The following ACSM3 variants were observed in gnomAD, a reference collection of about 807,000 sequenced individuals.
The protein encoded by ACSM3 is acyl-CoA synthetase medium chain family member 3.
In ACSM3, 61 loss-of-function variants were observed where a neutral mutation model predicts 74.1. The ratio of observed to expected loss-of-function variants is 0.82; its 90% CI spans 0.67 to 1.02. ACSM3 has a LOEUF of 1.02. ACSM3 is among the 50% of genes least tolerant of loss of function. ACSM3 has a pLI of 0.00. For missense variants in ACSM3, 660 were observed against 697.0 expected, an observed-to-expected ratio of 0.95 and a Z score of 0.60; for synonymous variants, 213 against 241.5, an observed-to-expected ratio of 0.88 and a Z score of 1.09.
upstream of ACSM3, among the ~76,000 whole-genome samples, chr16:20,760,479 G>A (rs113768816): frequency 2.0e-5 from 3 of 152,266 alleles, no homozygotes; most frequent in African/African-American, 7.2e-5. Context: ...ACGGAAGAGA[G>A]AAACAAAGGC....
At chr16:20,766,939 TAAAG>T (rs1169462970) in intron 1 of ACSM3, among the ~76,000 whole-genome samples, 1 of 152,106 alleles carries the variant, frequency 6.6e-6, no homozygotes. Flanking sequence ...TGAATGCACA[TAAAG>T]AAACCCTGAA....
chr16:20,714,371 C>T (rs2079753927), intron 1 of ACSM3, among the ~76,000 whole-genome samples: 1 of 152,006 alleles, frequency 6.6e-6, no homozygotes, highest in African/African-American at 2.4e-5. Flanking sequence ...CCCCTGTAAA[C>T]AAGGGATGCC....
chr16:20,763,012 C>T (rs1489608336), upstream of ACSM3, among the ~76,000 whole-genome samples: 1 of 152,204 alleles, frequency 6.6e-6, no homozygotes, highest in African/African-American at 2.4e-5. Flanking sequence ...TGTGATTACA[C>T]AGAAAATCCC....
At chr16:20,717,956 G>GAAGAA (rs2079769244) in intron 1 of ACSM3, among the ~76,000 whole-genome samples, 4 of 74,418 alleles carry the variant, frequency 5.4e-5, no homozygotes, top group African/African-American at 1.4e-4. Flanking sequence ...AAGAGGAAGA[G>GAAGAA]GAAGAAGAAG....
At chr16:20,786,756 T>C (rs1387797680) in intron 9 of ACSM3, among the ~76,000 whole-genome samples, 1 of 152,136 alleles carries the variant, frequency 6.6e-6, no homozygotes, top group Non-Finnish European at 1.5e-5. Flanking sequence ...TAGAACCATT[T>C]TACAAACAAG....
intron 1 of ACSM3, among the ~76,000 whole-genome samples, chr16:20,706,565 T>C (rs1399224624): frequency 6.6e-6 from 1 of 152,158 alleles, no homozygotes; most frequent in South Asian, 2.1e-4. Context: ...GAGAGTTGTT[T>C]TGAGAGGGTA....
chr16:20,675,865 C>G (rs1318021396), intron 1 of ACSM3, among the ~76,000 whole-genome samples: 1 of 152,196 alleles, frequency 6.6e-6, no homozygotes, highest in Non-Finnish European at 1.5e-5. Flanking sequence ...GCTGCGCTGG[C>G]GGCTACGGAG....
At position 20,737,627 on chromosome 16, in the gene ACSM3, A is replaced by G. The variant is rs1006233095; in HGVS notation, c.-189-12283A>G. ...TTCTACACTCAAAAATGTAAGCCTT[A>G]AATCTTTAAAAAGAAAAAAATCCTT... On this transcript the variant is annotated intron_variant, in intron 1 of 3. Coordinates refer to the ACSM3 transcript ENST00000561584. 24 of 1,427,198 alleles carry G rather than the reference A, an allele frequency of 1.7e-5. No homozygotes were observed. In the African/African-American group the frequency reaches 3.3e-4, roughly 20 times the overall value. 88.4% of individuals were successfully genotyped at this position (1,427,198 alleles called of 1,614,324 possible). A position where few individuals can be genotyped will look rare whatever the true frequency, so the allele number is the denominator to read the frequency against.
chr16:20,679,922 C>T (rs1038182933), intron 1 of ACSM3: 1 of 152,124 alleles, frequency 6.6e-6, no homozygotes, highest in Non-Finnish European at 1.5e-5. Flanking sequence ...GGCCTATTTC[C>T]TTGTACTTTG....
At chr16:20,692,965 T>C (rs2079668550) in intron 1 of ACSM3, among the ~76,000 whole-genome samples, 2 of 151,848 alleles carry the variant, frequency 1.3e-5, no homozygotes, top group African/African-American at 4.8e-5. Context: ...GGTCAGGAGT[T>C]TGAGACCATC....
At chr16:20,777,174 T>C (rs1003278560) in intron 3 of ACSM3, among the ~76,000 whole-genome samples, 199 bp from the exon 4 acceptor site, 1 of 152,214 alleles carries the variant, frequency 6.6e-6, no homozygotes, top group Non-Finnish European at 1.5e-5. Context: ...TGCTTTCATG[T>C]TAAGCCAAAA....
At chr16:20,761,534 T>G (rs2080076815), upstream of ACSM3, among the ~76,000 whole-genome samples, 1 of 152,156 alleles carries the variant, frequency 6.6e-6, no homozygotes, top group African/African-American at 2.4e-5. Flanking sequence ...TTGCTTGGTA[T>G]AGTGAAAACC....
rs894297934 is a variant in ACSM3, at chr16:20,737,366, T to G, written c.-189-12544T>G. The G allele has an allele frequency of 2.8e-6, 4 of 1,431,838 alleles. No homozygotes were observed. The Admixed American group carries it at 9.7e-5, about 35-fold the overall frequency. 88.7% of individuals were successfully genotyped at this position (1,431,838 alleles called of 1,614,324 possible). A position where few individuals can be genotyped will look rare whatever the true frequency, so the allele number is the denominator to read the frequency against. On this transcript the variant is annotated intron_variant, in intron 1 of 3. Transcript: ENST00000561584. ...GATACAAAAAATCTTTTGTCTCTGT[T>G]TCTTGTTAAAACAAGACATACAGTA...
At chr16:20,694,687 T>TAACC (rs1167790858) in intron 1 of ACSM3, among the ~76,000 whole-genome samples, 2 of 152,212 alleles carry the variant, frequency 1.3e-5, no homozygotes, top group Admixed American at 1.3e-4. Flanking sequence ...GGGAATCCAT[T>TAACC]AACCAGTTAT....
At chr16:20,735,629 C>T (rs571329968) in intron 1 of ACSM3, 2 of 151,738 alleles carry the variant, frequency 1.3e-5, no homozygotes, top group Non-Finnish European at 2.9e-5. Flanking sequence ...GATATGATGT[C>T]ACAACATTAT....
intron 1 of ACSM3, among the ~76,000 whole-genome samples, chr16:20,747,884 T>C (rs2079964500): frequency 6.6e-6 from 1 of 152,236 alleles, no homozygotes; most frequent in African/African-American, 2.4e-5. Context: ...CTCACGCCTG[T>C]AATCCTAGCA....
In ACSM3 at chr16:20,770,233, C is replaced by G; in HGVS notation, c.199C>G (p.Gln67Glu). Residue 67 changes from glutamine to glutamate, a missense_variant, in exon 2 of 14, where the codon CAA (glutamine) becomes GAA (glutamate). Transcript: ENST00000289416. ...CAACTTTGCTAAAGATGTCCTGGAC[C>G]AATGGACTGATAAGGAAAAGGTATG... Reference protein sequence around the residue: ...YFNFAKDVLDQWTDKEKAGKK... With the variant: ...YFNFAKDVLDEWTDKEKAGKK... 2 of 1,613,878 alleles carry G rather than the reference C, an allele frequency of 1.2e-6. No individual in the cohort carries two copies. The highest frequency in any genetic ancestry group is 1.7e-6 in the Non-Finnish European group (2 of 1,179,866).
upstream of ACSM3, among the ~76,000 whole-genome samples, chr16:20,761,761 T>G (rs563241269): frequency 6.6e-6 from 1 of 152,238 alleles, no homozygotes; most frequent in East Asian, 1.9e-4. Context: ...AGCTTTCCAA[T>G]AAGATCTCAG....
At chr16:20,715,053 T>C (rs575431685) in intron 1 of ACSM3, among the ~76,000 whole-genome samples, 9 of 152,264 alleles carry the variant, frequency 5.9e-5, no homozygotes, top group East Asian at 3.9e-4. Flanking sequence ...GGTAAATAGA[T>C]AGACAGATAG....
Sources: allele counts gnomAD v4.1 joint callset (sites outside exome capture counted in the v4.1 genomes callset), GRCh38; gene constraint gnomAD v4.1.1; transcripts MANE v1.5; gene names NCBI Gene and HGNC (gene_info 2026-07-23, HGNC 2026-07-21).